MAGI2: variants seen among roughly 807,000 people sequenced by gnomAD.
MAGI2 encodes the protein membrane associated guanylate kinase, WW and PDZ domain containing 2.
A neutral mutation model predicts 133.3 loss-of-function variants in MAGI2; 35 were observed. The ratio of observed to expected loss-of-function variants is 0.26; its 90% CI spans 0.20 to 0.35. The LOEUF (loss-of-function observed/expected upper bound fraction) is 0.35. MAGI2 is among the 10% of genes least tolerant of loss of function. The pLI, the probability that MAGI2 is intolerant of heterozygous loss-of-function variation, is 1.00. For synonymous variants in MAGI2, 729 were observed against 710.6 expected, an observed-to-expected ratio of 1.03 and a Z score of -0.41; for missense variants, 1,636 against 1,863.4, an observed-to-expected ratio of 0.88 and a Z score of 2.25.
chr7:78,335,505 A>G (rs1313030348), intron 9 of MAGI2, among the ~76,000 whole-genome samples: 3 of 152,228 alleles, frequency 2.0e-5, no homozygotes, highest in African/African-American at 7.2e-5. Context: ...ACTCTTAAAT[A>G]TGGAAATCTA....
At chr7:79,417,123 A>G (rs1846588877) in intron 1 of MAGI2, among the ~76,000 whole-genome samples, 1 of 152,118 alleles carries the variant, frequency 6.6e-6, no homozygotes, top group Admixed American at 6.6e-5. Context: ...TGTTTTATTT[A>G]TCTAACTATA....
chr7:78,688,993 T>G (rs1816674627), intron 2 of MAGI2, among the ~76,000 whole-genome samples: 1 of 152,202 alleles, frequency 6.6e-6, no homozygotes, highest in Admixed American at 6.5e-5. Context: ...TCTCTTTCTT[T>G]AAACAGAAGT....
intron 6 of MAGI2, among the ~76,000 whole-genome samples, chr7:78,414,910 A>C (rs1798166191): frequency 1.3e-5 from 2 of 152,144 alleles, no homozygotes; most frequent in South Asian, 4.1e-4. Flanking sequence ...ATTCCAACTG[A>C]TAATTATTTC....
intron 2 of MAGI2, among the ~76,000 whole-genome samples, chr7:78,797,845 C>T (rs1291205379): frequency 2.0e-5 from 3 of 152,044 alleles, no homozygotes; most frequent in African/African-American, 7.2e-5. Flanking sequence ...TCTAGTCTTG[C>T]CCAAAGGGAA....
chr7:78,290,512 C>G (rs1796595279), intron 9 of MAGI2, among the ~76,000 whole-genome samples: 1 of 152,066 alleles, frequency 6.6e-6, no homozygotes, highest in African/African-American at 2.4e-5. Context: ...ACTTTAACAC[C>G]CCACTGTCAA....
At chr7:78,208,842 G>A (rs11980095) in intron 10 of MAGI2, among the ~76,000 whole-genome samples, 20,261 of 151,840 alleles carry the variant, frequency 0.13, 2,077 homozygotes, top group East Asian at 0.3. Context: ...ATACAGAAAT[G>A]GAATCTTTTA....
In MAGI2 at chr7:79,453,627, G is replaced by GGCA. The variant is rs748721385; in HGVS notation, c.-310_-308dup. On this transcript the variant is annotated 5_prime_UTR_variant, in exon 1 of 22. Transcript: ENST00000354212. ...TGGTGGCGTCGGCGGCGGCGGCGGCGGCAGCCGGAGCGAGCAGTAGCCGAG... is the reference window on the plus strand; with the variant it reads ...TGGTGGCGTCGGCGGCGGCGGCGGCGGCAGCAGCCGGAGCGAGCAGTAGCCGAG... 3.1e-5 allele frequency: 31 copies of GGCA among 1,013,750 alleles called. No homozygotes were observed. The highest frequency in any genetic ancestry group is 6.7e-5 in the African/African-American group (4 of 59,286). 62.8% of individuals were successfully genotyped at this position (1,013,750 alleles called of 1,614,324 possible).
Position 78,704,804 on chromosome 7 carries a change from G to A in MAGI2, c.419-77565C>T, listed in dbSNP as rs569536525. On this transcript the variant is annotated intron_variant, in intron 2 of 21. Transcript: ENST00000354212. ...TTTTTTTTTTTTTTTTTTCTGAAAC[G>A]GAGTTTTACTCTGTTGCCCAGGCTG... is the stretch of plus-strand genomic sequence containing the variant. 9.1e-4 allele frequency among the ~76,000 whole-genome samples: 21 copies of A among 23,096 alleles called. No homozygotes were observed. The East Asian group carries it at 0.017, about 18-fold the overall frequency. 15.2% of individuals were successfully genotyped at this position (23,096 alleles called of 152,430 possible).
At chr7:78,142,666 C>T (rs7802996) in intron 16 of MAGI2, among the ~76,000 whole-genome samples, 16,640 of 152,108 alleles carry the variant, frequency 0.11, 1,200 homozygotes, top group Non-Finnish European at 0.17. Flanking sequence ...AGATAGATCA[C>T]GGTATTTCAA....
At chr7:78,292,406 A>G (rs1054435440) in intron 9 of MAGI2, among the ~76,000 whole-genome samples, 1 of 152,198 alleles carries the variant, frequency 6.6e-6, no homozygotes, top group African/African-American at 2.4e-5. Context: ...AAGGAGAACT[A>G]CAAACCACTG....
chr7:78,231,689 C>T (rs1014046739), intron 10 of MAGI2, among the ~76,000 whole-genome samples: 7 of 152,098 alleles, frequency 4.6e-5, no homozygotes, highest in African/African-American at 1.7e-4. Context: ...TCCCTCCTTC[C>T]CTACACCTGA....
intron 7 of MAGI2, chr7:78,352,797 C>G (rs728470): frequency 0.76 from 116,284 of 152,176 alleles, 44,585 homozygotes; most frequent in African/African-American, 0.81. Context: ...CTCCCTCGGT[C>G]GTAATGCTAG....
At chr7:78,744,621 ATGAAG>A (rs1213419135) in intron 2 of MAGI2, among the ~76,000 whole-genome samples, 1 of 152,164 alleles carries the variant, frequency 6.6e-6, no homozygotes, top group African/African-American at 2.4e-5. Flanking sequence ...GTCTAATTCT[ATGAAG>A]TGAAGGAAAA....
At chr7:78,703,604 C>A (rs1241403678) in intron 2 of MAGI2, among the ~76,000 whole-genome samples, 1 of 152,004 alleles carries the variant, frequency 6.6e-6, no homozygotes, top group East Asian at 1.9e-4. Context: ...AAAAGCACTT[C>A]CCTATAGATA....
intron 10 of MAGI2, among the ~76,000 whole-genome samples, chr7:78,206,352 C>T (rs1219185283): frequency 6.9e-6 from 1 of 145,674 alleles, no homozygotes; most frequent in Non-Finnish European, 1.5e-5. Context: ...AGTGCAGTGG[C>T]GTGATCTTGG....
At chr7:78,784,515 T>A (rs1278785327) in intron 2 of MAGI2, among the ~76,000 whole-genome samples, 1 of 152,204 alleles carries the variant, frequency 6.6e-6, no homozygotes, top group Non-Finnish European at 1.5e-5. Flanking sequence ...GGGTTGGCCA[T>A]AAAGACATTT....
chr7:78,649,800 T>C (rs1408727659), intron 2 of MAGI2, among the ~76,000 whole-genome samples: 1 of 152,122 alleles, frequency 6.6e-6, no homozygotes, highest in East Asian at 1.9e-4. Flanking sequence ...AGGTAAGTTA[T>C]TTAACCTCAC....
intron 2 of MAGI2, among the ~76,000 whole-genome samples, chr7:78,785,923 C>A (rs1343222729): frequency 2.0e-5 from 3 of 152,088 alleles, no homozygotes; most frequent in Admixed American, 2.0e-4. Flanking sequence ...ATACACTAGA[C>A]AAGAACACAC....
chr7:78,452,811 A>G (rs540299107), intron 6 of MAGI2, among the ~76,000 whole-genome samples: 22 of 152,014 alleles, frequency 1.4e-4, no homozygotes, highest in Non-Finnish European at 2.4e-4. Context: ...GACTAATACA[A>G]AAATACATAC....
Sources: gnomAD v4.1 joint callset for allele counts (sites outside exome capture counted in the v4.1 genomes callset) on GRCh38, gnomAD v4.1.1 for gene constraint, MANE v1.5 for transcripts, NCBI Gene and HGNC (gene_info 2026-07-23, HGNC 2026-07-21) for gene names.